The following B3GALT1 variants were observed in gnomAD, a reference collection of about 807,000 sequenced individuals.
B3GALT1 encodes the protein UDP-Gal:betaGlcNAc beta 1,3-galactosyltransferase, polypeptide 1.
B3GALT1 carries 10 observed loss-of-function variants against 23.2 expected under a neutral mutation model. The observed-to-expected ratio is 0.43, with a 90% confidence interval of 0.27 to 0.73. The LOEUF (loss-of-function observed/expected upper bound fraction) is 0.73. B3GALT1 is among the 30% of genes least tolerant of loss of function. The pLI, the probability that B3GALT1 is intolerant of heterozygous loss-of-function variation, is 0.21. For missense variants in B3GALT1, 299 were observed against 405.4 expected (o/e 0.74, Z 2.25); for synonymous variants, 156 against 141.5 (o/e 1.10, Z -0.73).
chr2:167,610,702 G>A (rs1685048050), intron 2 of B3GALT1, among the ~76,000 whole-genome samples: 1 of 151,970 alleles, frequency 6.6e-6, no homozygotes, highest in African/African-American at 2.4e-5. Context: ...ACCCAGATCT[G>A]AAATCTAGGA....
intron 2 of B3GALT1, among the ~76,000 whole-genome samples, chr2:167,542,834 CAGGT>C (rs1397473471): frequency 5.3e-5 from 8 of 150,144 alleles, no homozygotes; most frequent in Non-Finnish European, 1.0e-4. Context: ...GGAAAGAACT[CAGGT>C]AGATTCTAAA....
chr2:167,467,918 C>T (rs923526732), intron 1 of B3GALT1, among the ~76,000 whole-genome samples: 1 of 152,158 alleles, frequency 6.6e-6, no homozygotes, highest in East Asian at 1.9e-4. Flanking sequence ...AAAGACCATA[C>T]GTTGTAGTCC....
chr2:167,567,684 C>T (rs1684198685), intron 2 of B3GALT1, among the ~76,000 whole-genome samples: 1 of 152,008 alleles, frequency 6.6e-6, no homozygotes, highest in Admixed American at 6.6e-5. Flanking sequence ...TTATCAACAT[C>T]CCCCACCAGA....
intron 1 of B3GALT1, among the ~76,000 whole-genome samples, chr2:167,380,525 A>G (rs1697834306): frequency 6.6e-6 from 1 of 151,978 alleles, no homozygotes; most frequent in Admixed American, 6.6e-5. Flanking sequence ...AAGGCATCCC[A>G]ATCTCTGGCC....
At chr2:167,670,851 A>T (rs1686313354) in intron 3 of B3GALT1, among the ~76,000 whole-genome samples, 1 of 152,194 alleles carries the variant, frequency 6.6e-6, no homozygotes, top group Non-Finnish European at 1.5e-5. Flanking sequence ...CAATCAGAGG[A>T]GAAAAAAAGA....
chr2:167,713,350 AATT>A (rs889086632), intron 3 of B3GALT1, among the ~76,000 whole-genome samples: 3 of 152,214 alleles, frequency 2.0e-5, no homozygotes, highest in Non-Finnish European at 4.4e-5. Context: ...TGTTTTAATT[AATT>A]ATTATCACAA....
chr2:167,708,973 A>G (rs1687009620), intron 3 of B3GALT1, among the ~76,000 whole-genome samples: 1 of 152,216 alleles, frequency 6.6e-6, no homozygotes, highest in Non-Finnish European at 1.5e-5. Context: ...AGGACCATAA[A>G]ATATTTATGT....
At chr2:167,555,153 C>A (rs1683820859) in intron 2 of B3GALT1, among the ~76,000 whole-genome samples, 1 of 152,118 alleles carries the variant, frequency 6.6e-6, no homozygotes, top group African/African-American at 2.4e-5. Context: ...CAGTTTCTAT[C>A]CAATCTATTG....
At chr2:167,424,139 T>C (rs1698589357) in intron 1 of B3GALT1, among the ~76,000 whole-genome samples, 1 of 152,198 alleles carries the variant, frequency 6.6e-6, no homozygotes. Flanking sequence ...ACATGCTAAA[T>C]TGTTTGCTTT....
chr2:167,591,913 G>C (rs887342831), intron 2 of B3GALT1, among the ~76,000 whole-genome samples: 2 of 152,140 alleles, frequency 1.3e-5, no homozygotes, highest in African/African-American at 2.4e-5. Context: ...GCTTGGTATA[G>C]AGTGATAGCA....
intron 2 of B3GALT1, among the ~76,000 whole-genome samples, chr2:167,586,264 T>C (rs750342437): frequency 2.1e-4 from 32 of 152,258 alleles, no homozygotes; most frequent in Non-Finnish European, 3.8e-4. Context: ...GGAGGCCTCC[T>C]TGGGGGCATT....
chr2:167,324,128 G>A lies in B3GALT1; in HGVS notation c.-511+30794G>A, dbSNP rs555767262. ...TGGCTACATTATTCTGGTTGGAAAT[G>A]CACTAGCACTCTGCTTCAGAGTGAA... On this transcript the variant is annotated intron_variant, in intron 1 of 4. Transcript: ENST00000392690. Among the ~76,000 whole-genome samples the A allele has an allele frequency of 3.3e-5, 5 of 152,126 alleles. No homozygotes were observed. The South Asian group carries it at 1.0e-3, about 32-fold the overall frequency.
chr2:167,448,489 G>T (rs924743025), intron 1 of B3GALT1, among the ~76,000 whole-genome samples: 3 of 152,022 alleles, frequency 2.0e-5, no homozygotes, highest in African/African-American at 7.2e-5. Flanking sequence ...ATTTGTTTGA[G>T]TTTCTTGTAG....
At chr2:167,609,174 A>G (rs1015067577) in intron 2 of B3GALT1, among the ~76,000 whole-genome samples, 1 of 152,182 alleles carries the variant, frequency 6.6e-6, no homozygotes, top group African/African-American at 2.4e-5. Context: ...GATCATATAA[A>G]TAATTTTAGA....
chr2:167,408,423 A>C (rs1698341985), intron 1 of B3GALT1, among the ~76,000 whole-genome samples: 1 of 152,166 alleles, frequency 6.6e-6, no homozygotes, highest in East Asian at 1.9e-4. Context: ...ACTGAACAGG[A>C]AAGTATTGAA....
chr2:167,561,773 G>T (rs1295307578), intron 2 of B3GALT1, among the ~76,000 whole-genome samples: 2 of 152,198 alleles, frequency 1.3e-5, no homozygotes, highest in Non-Finnish European at 2.9e-5. Flanking sequence ...TTGAATCTCT[G>T]AATAGACCAA....
intron 2 of B3GALT1, among the ~76,000 whole-genome samples, chr2:167,580,876 G>A (rs1684472264): frequency 6.6e-6 from 1 of 152,008 alleles, no homozygotes. Context: ...AGGCTTCAAG[G>A]GCCTAAAGAG....
intron 2 of B3GALT1, among the ~76,000 whole-genome samples, chr2:167,492,613 G>A (rs972008111): frequency 3.3e-5 from 5 of 152,148 alleles, no homozygotes; most frequent in African/African-American, 1.2e-4. Context: ...GAACCTTCCT[G>A]TTGCTTCACA....
At chr2:167,792,528 A>T (rs1688454354) in intron 3 of B3GALT1, among the ~76,000 whole-genome samples, 1 of 152,196 alleles carries the variant, frequency 6.6e-6, no homozygotes, top group African/African-American at 2.4e-5. Flanking sequence ...TTTCTTTTTA[A>T]TTAGGTCTTG....
Sources: gnomAD v4.1 joint callset for allele counts (sites outside exome capture counted in the v4.1 genomes callset) on GRCh38, gnomAD v4.1.1 for gene constraint, MANE v1.5 for transcripts, NCBI Gene and HGNC (gene_info 2026-07-23, HGNC 2026-07-21) for gene names.